The following GRIA3 variants were observed in gnomAD, a reference collection of about 807,000 sequenced individuals.
GRIA3 encodes glutamate receptor 3.
A neutral mutation model predicts 63.0 loss-of-function variants in GRIA3; 3 were observed. That is an observed-to-expected ratio of 0.05 (90% CI 0.02 to 0.12). The LOEUF (loss-of-function observed/expected upper bound fraction) is 0.12, where lower values mean the gene tolerates loss of function less well. Among genes scored for constraint, GRIA3 ranks in the 10% least tolerant of loss-of-function variants. The pLI, the probability that GRIA3 is intolerant of heterozygous loss-of-function variation, is 1.00. For synonymous variants in GRIA3, 274 were observed against 257.9 expected (o/e 1.06, Z -0.60); for missense variants, 347 against 700.9 (o/e 0.50, Z 5.70).
At chrX:123,405,367 G>A (rs938342826) in intron 10 of GRIA3, among the ~76,000 whole-genome samples, 3 of 111,222 alleles carry the variant, frequency 2.7e-5, no homozygotes, top group South Asian at 3.8e-4. Context: ...CCCCACCATC[G>A]TCACCTTAAT....
intron 12 of GRIA3, among the ~76,000 whole-genome samples, chrX:123,437,153 C>T (rs2045649305): frequency 9.2e-6 from 1 of 108,467 alleles, no homozygotes; most frequent in African/African-American, 3.4e-5. Flanking sequence ...TCTTCAACAT[C>T]ATTCACACTT....
At chrX:123,302,531 A>G (rs1193034039) in intron 3 of GRIA3, among the ~76,000 whole-genome samples, 1 of 111,442 alleles carries the variant, frequency 9.0e-6, no homozygotes, top group African/African-American at 3.3e-5. Context: ...CCTTGGTCAA[A>G]ATATGCCTCT....
intron 2 of GRIA3, among the ~76,000 whole-genome samples, chrX:123,219,152 A>T (rs1354189819): frequency 8.9e-6 from 1 of 112,117 alleles, no homozygotes; most frequent in Non-Finnish European, 1.9e-5. Flanking sequence ...CTAACAAAAA[A>T]AAATTGCTTA....
At chrX:123,485,635 C>T (rs2045936127) in intron 15 of GRIA3, among the ~76,000 whole-genome samples, 1 of 111,588 alleles carries the variant, frequency 9.0e-6, no homozygotes, top group Non-Finnish European at 1.9e-5. Flanking sequence ...TCCTTATGCA[C>T]TCCACACAAG....
At chrX:123,207,414 A>C (rs1485800920) in intron 2 of GRIA3, among the ~76,000 whole-genome samples, 1 of 111,653 alleles carries the variant, frequency 9.0e-6, no homozygotes, top group Non-Finnish European at 1.9e-5. Flanking sequence ...CTGGGGCACA[A>C]AGAAGTTAAG....
intron 12 of GRIA3, among the ~76,000 whole-genome samples, chrX:123,433,154 A>T (rs16997372): frequency 0.073 from 8,142 of 111,782 alleles, 725 homozygotes; most frequent in African/African-American, 0.25. Context: ...GAATCCCAGA[A>T]AATTTAAATC....
At chrX:123,407,695 G>GGC (rs761771507) in intron 10 of GRIA3, among the ~76,000 whole-genome samples, 3 of 81,942 alleles carry the variant, frequency 3.7e-5, no homozygotes, top group South Asian at 6.7e-4. Flanking sequence ...TGGTTGCGGG[G>GGC]GGGGGGGGGA....
chrX:123,273,513 C>T (rs1248818408), intron 3 of GRIA3, among the ~76,000 whole-genome samples: 2 of 111,820 alleles, frequency 1.8e-5, no homozygotes, highest in Non-Finnish European at 1.9e-5. Context: ...AGAGTTAAGA[C>T]TTGAACTTAG....
chrX:123,449,170 C>T (rs1360275631), intron 12 of GRIA3, among the ~76,000 whole-genome samples: 1 of 112,106 alleles, frequency 8.9e-6, no homozygotes, highest in African/African-American at 3.2e-5. Flanking sequence ...GCATTGGTGA[C>T]TAGGTGGCTT....
chrX:123,441,156 T>C lies in GRIA3; in HGVS notation c.2076+13017T>C, dbSNP rs776770487. ...GAATTCAAAAATAGTTCAAGGGGGA[T>C]GTGAGAATATTTTTGTGGCCAAGAA... On this transcript the variant is annotated intron_variant, in intron 12 of 15. Transcript: ENST00000620443. 1.1e-4 allele frequency among the ~76,000 whole-genome samples: 12 copies of C among 111,782 alleles called. No homozygotes were observed. The South Asian group carries it at 4.5e-3, about 42-fold the overall frequency.
At chrX:123,295,920 C>A (rs1014045141) in intron 3 of GRIA3, among the ~76,000 whole-genome samples, 4 of 111,251 alleles carry the variant, frequency 3.6e-5, no homozygotes, top group African/African-American at 1.3e-4. Flanking sequence ...TGTGTAGAAA[C>A]CCCTTCTTTC....
At chrX:123,241,215 C>T (rs1301581568) in intron 2 of GRIA3, among the ~76,000 whole-genome samples, 2 of 111,036 alleles carry the variant, frequency 1.8e-5, no homozygotes, top group African/African-American at 3.3e-5. Flanking sequence ...TAACTGGGAG[C>T]GACATCTAAT....
chrX:123,189,089 G>T (rs1249790087), intron 2 of GRIA3, among the ~76,000 whole-genome samples: 2 of 111,977 alleles, frequency 1.8e-5, no homozygotes, highest in Non-Finnish European at 3.8e-5. Context: ...GCTTTGAAAG[G>T]TGTTTAATTT....
chrX:123,198,748 G>A (rs1927641263), intron 2 of GRIA3, among the ~76,000 whole-genome samples: 1 of 112,300 alleles, frequency 8.9e-6, no homozygotes. Flanking sequence ...AGAAGGACAT[G>A]ATCCCTTCTG....
intron 5 of GRIA3, among the ~76,000 whole-genome samples, chrX:123,375,786 C>T (rs1010393231): frequency 8.9e-6 from 1 of 111,746 alleles, no homozygotes; most frequent in Non-Finnish European, 1.9e-5. Context: ...CTTTAGTGAG[C>T]ACTTATCTCC....
chrX:123,471,696 A>T (rs2045863177), intron 13 of GRIA3, among the ~76,000 whole-genome samples: 1 of 110,504 alleles, frequency 9.0e-6, no homozygotes, highest in Non-Finnish European at 1.9e-5. Flanking sequence ...AAGGTAGGAC[A>T]GCCATGGAAA....
chrX:123,257,458 A>G (rs1230963598), intron 3 of GRIA3, among the ~76,000 whole-genome samples: 1 of 103,508 alleles, frequency 9.7e-6, no homozygotes, highest in Non-Finnish European at 2.0e-5. Context: ...GGAAGGGAAG[A>G]GAAAGAAGAG....
chrX:123,396,367 A>G (rs1406409984), intron 6 of GRIA3, among the ~76,000 whole-genome samples: 1 of 110,377 alleles, frequency 9.1e-6, no homozygotes, highest in East Asian at 2.8e-4. Flanking sequence ...ACTTTATGCA[A>G]TTGGTGTGTT....
intron 3 of GRIA3, among the ~76,000 whole-genome samples, chrX:123,318,787 G>A (rs1386492953): frequency 1.8e-5 from 2 of 111,718 alleles, no homozygotes; most frequent in African/African-American, 3.3e-5. Flanking sequence ...TTTGAAAGTC[G>A]CTTCCACATT....
Sources: allele counts gnomAD v4.1 joint callset (sites outside exome capture counted in the v4.1 genomes callset), GRCh38; gene constraint gnomAD v4.1.1; transcripts MANE v1.5; gene names NCBI Gene and HGNC (gene_info 2026-07-23, HGNC 2026-07-21).